Variants in ACVR1 observed in about 807,000 individuals in gnomAD.
ACVR1 encodes the protein activin receptor type-1.
In ACVR1, 38 loss-of-function variants were observed where a neutral mutation model predicts 57.1. The ratio of observed to expected loss-of-function variants is 0.67; its 90% CI spans 0.51 to 0.87. ACVR1 has a LOEUF of 0.87. Among genes scored for constraint, ACVR1 ranks in the 40% least tolerant of loss-of-function variants. The probability of loss-of-function intolerance (pLI) is 0.00; values close to 1 mark genes in which losing one functional copy is unlikely to be tolerated. For synonymous variants in ACVR1, 212 were observed against 228.1 expected, an observed-to-expected ratio of 0.93 and a Z score of 0.63; for missense variants, 463 against 638.2, an observed-to-expected ratio of 0.73 and a Z score of 2.96.
intron 1 of ACVR1, among the ~76,000 whole-genome samples, chr2:157,842,188 A>T (rs1303532344): frequency 6.6e-6 from 1 of 152,178 alleles, no homozygotes; most frequent in Non-Finnish European, 1.5e-5. Context: ...AAGACCTTGG[A>T]AAAGGTCTTT....
At chr2:157,815,684 C>T (rs545239220) in intron 2 of ACVR1, among the ~76,000 whole-genome samples, 26 of 152,288 alleles carry the variant, frequency 1.7e-4, no homozygotes, top group African/African-American at 5.8e-4. Context: ...CTAATTCAAC[C>T]TCACACCACC....
intron 1 of ACVR1, among the ~76,000 whole-genome samples, chr2:157,823,959 A>T (rs1398257517): frequency 3.3e-5 from 5 of 152,176 alleles, no homozygotes; most frequent in Non-Finnish European, 5.9e-5. Flanking sequence ...TGGCCCATGT[A>T]ATCTTTTCCT....
At chr2:157,747,760 G>T (rs1312821164) in intron 9 of ACVR1, among the ~76,000 whole-genome samples, 1 of 152,010 alleles carries the variant, frequency 6.6e-6, no homozygotes, top group Admixed American at 6.5e-5. Flanking sequence ...TGTGTGGGGG[G>T]GTGTACATTG....
intron 1 of ACVR1, among the ~76,000 whole-genome samples, chr2:157,841,827 T>C (rs1192679558): frequency 1.3e-5 from 2 of 151,974 alleles, no homozygotes; most frequent in Non-Finnish European, 2.9e-5. Flanking sequence ...ATCGAGATCA[T>C]CCTGGCTAAC....
At chr2:157,859,429 G>A (rs1689648722) in intron 1 of ACVR1, among the ~76,000 whole-genome samples, 1 of 152,182 alleles carries the variant, frequency 6.6e-6, no homozygotes, top group Non-Finnish European at 1.5e-5. Flanking sequence ...CAGCCCTTGG[G>A]GGGCTATGCC....
chr2:157,801,870 A>T (rs1403852184), intron 2 of ACVR1, among the ~76,000 whole-genome samples: 2 of 152,192 alleles, frequency 1.3e-5, no homozygotes, highest in African/African-American at 4.8e-5. Context: ...CTGAATTCCC[A>T]GTCCTTCATT....
intron 8 of ACVR1, among the ~76,000 whole-genome samples, chr2:157,762,321 A>G (rs1346964159): frequency 6.6e-6 from 1 of 152,202 alleles, no homozygotes; most frequent in African/African-American, 2.4e-5. Context: ...TAGTGTTACT[A>G]ATGTTCATCT....
At chr2:157,808,651 T>A (rs1359488491) in intron 2 of ACVR1, among the ~76,000 whole-genome samples, 1 of 152,156 alleles carries the variant, frequency 6.6e-6, no homozygotes, top group African/African-American at 2.4e-5. Context: ...CCATCCCTAA[T>A]GACCTCTGAG....
At chr2:157,793,964 C>G (rs1169039606) in intron 3 of ACVR1, among the ~76,000 whole-genome samples, 1 of 152,184 alleles carries the variant, frequency 6.6e-6, no homozygotes, top group Non-Finnish European at 1.5e-5. Flanking sequence ...TAGCAGTCTT[C>G]TCTAGAACAG....
chr2:157,812,059 A>G lies in ACVR1; in HGVS notation c.-8+6326T>C, dbSNP rs188054051. Among the ~76,000 whole-genome samples, 3 of 152,382 alleles carry G rather than the reference A, an allele frequency of 2.0e-5. No homozygotes were observed. The South Asian group carries it at 6.2e-4, about 32-fold the overall frequency. On this transcript the variant is annotated intron_variant, in intron 2 of 10. Coordinates refer to ENST00000434821, the MANE Select transcript of ACVR1 (RefSeq NM_001111067.4). ...ACCTTATAAACTGAATTTGAATCACAAAGTATCAGAATGAACTCATGAAGT... is the reference window on the plus strand; with the variant it reads ...ACCTTATAAACTGAATTTGAATCACGAAGTATCAGAATGAACTCATGAAGT...
At chr2:157,773,068 G>T (rs1372460219) in intron 6 of ACVR1, among the ~76,000 whole-genome samples, 1 of 152,156 alleles carries the variant, frequency 6.6e-6, no homozygotes, top group Non-Finnish European at 1.5e-5. Context: ...AAGATGCAAC[G>T]GCAGGAGCTG....
At chr2:157,791,094 G>A (rs1199652651) in intron 3 of ACVR1, among the ~76,000 whole-genome samples, 2 of 152,124 alleles carry the variant, frequency 1.3e-5, no homozygotes, top group East Asian at 3.9e-4. Flanking sequence ...TGCATCACCA[G>A]CCCCAAACCC....
At chr2:157,846,216 G>C (rs1380362096) in intron 1 of ACVR1, among the ~76,000 whole-genome samples, 1 of 152,230 alleles carries the variant, frequency 6.6e-6, no homozygotes, top group African/African-American at 2.4e-5. Flanking sequence ...GAGATGGAAA[G>C]AATGTGCTTT....
rs1354102008 is a variant in ACVR1 at position 157,736,565 on chromosome 2, A to C, written c.*966T>G. On this transcript the variant is annotated 3_prime_UTR_variant, in exon 11 of 11. Coordinates refer to ENST00000434821, the MANE Select transcript of ACVR1 (RefSeq NM_001111067.4). ...TAAATGCACGTAATGGATAATTCTGAAGAAAATGCATTTTCCCCGTAGCGT... is the reference window on the plus strand; with the variant it reads ...TAAATGCACGTAATGGATAATTCTGCAGAAAATGCATTTTCCCCGTAGCGT... The C allele has an allele frequency of 3.5e-6, 1 of 288,026 alleles. No homozygotes were observed. The highest frequency in any genetic ancestry group is 6.4e-6 in the Non-Finnish European group (1 of 156,418). 17.8% of individuals were successfully genotyped at this position (288,026 alleles called of 1,614,324 possible).
At chr2:157,763,078 C>A (rs531727814) in intron 8 of ACVR1, among the ~76,000 whole-genome samples, 4 of 152,232 alleles carry the variant, frequency 2.6e-5, no homozygotes, top group African/African-American at 7.2e-5. Flanking sequence ...CTAAAGATGA[C>A]AAAACAACCG....
intron 5 of ACVR1, among the ~76,000 whole-genome samples, chr2:157,776,779 AG>A (rs1272497098): frequency 2.0e-5 from 3 of 152,222 alleles, no homozygotes; most frequent in Admixed American, 6.5e-5. Flanking sequence ...CTCCAGCATA[AG>A]GGGAGCTGCA....
intron 8 of ACVR1, among the ~76,000 whole-genome samples, chr2:157,763,352 A>C (rs1018799172): frequency 1.3e-5 from 2 of 152,248 alleles, no homozygotes; most frequent in African/African-American, 4.8e-5. Context: ...AACATCACAA[A>C]GTTTTAACAA....
In ACVR1 at chr2:157,757,646, A is replaced by C. The variant is rs1191975072; in HGVS notation, c.1264+3234T>G. On this transcript the variant is annotated intron_variant, in intron 9 of 10. Coordinates refer to ENST00000434821, the MANE Select transcript of ACVR1 (RefSeq NM_001111067.4). Reference sequence around the variant, plus strand: ...ACTGTCAGCCAAGAATACTACACTCAACACAAAGCTATCCTTTCCAAATGA... The same window carrying C: ...ACTGTCAGCCAAGAATACTACACTCCACACAAAGCTATCCTTTCCAAATGA... 6.6e-5 allele frequency among the ~76,000 whole-genome samples: 10 copies of C among 151,972 alleles called. No homozygotes were observed. The South Asian group carries it at 8.3e-4, about 13-fold the overall frequency.
rs188629960 is a variant in ACVR1, at chr2:157,787,764, T to C, written c.68-7164A>G. Among the ~76,000 whole-genome samples, 42 of 152,310 alleles carry C rather than the reference T, an allele frequency of 2.8e-4. No homozygotes were observed. The East Asian group carries it at 5.0e-3, about 18-fold the overall frequency. On this transcript the variant is annotated intron_variant, in intron 3 of 10. Transcript: ENST00000434821. ...CAGTAAGGGTTTCCTACCTGGGCTCTACACTGAGAATTTTGGTTTTACAGG... is the reference window on the plus strand; with the variant it reads ...CAGTAAGGGTTTCCTACCTGGGCTCCACACTGAGAATTTTGGTTTTACAGG...
Sources: allele counts gnomAD v4.1 joint callset (sites outside exome capture counted in the v4.1 genomes callset), GRCh38; gene constraint gnomAD v4.1.1; transcripts MANE v1.5; gene names NCBI Gene and HGNC (gene_info 2026-07-23, HGNC 2026-07-21).